REDIC1: variants seen among roughly 807,000 people sequenced by gnomAD.
REDIC1 encodes regulator of DNA class I crossover intermediates 1.
the REDIC1 span, among the ~76,000 whole-genome samples, chr12:39,751,970 G>T: frequency 6.6e-6 from 1 of 152,182 alleles, no homozygotes; most frequent in Non-Finnish European, 1.5e-5. Context: ...GTTAATGGGT[G>T]CAGCACACCA....
At chr12:39,683,201 T>G in the REDIC1 span, 1 of 1,423,162 alleles carries the variant, frequency 7.0e-7, no homozygotes, top group Non-Finnish European at 9.5e-7. Context: ...TTTTAGTATA[T>G]ATATTTGTAT....
At chr12:39,835,844 T>C in the REDIC1 span, 2 of 152,116 alleles carry the variant, frequency 1.3e-5, no homozygotes, top group Non-Finnish European at 2.9e-5. Context: ...AGGGGGTAGA[T>C]GAATTGACGT....
chr12:39,781,832 T>A, the REDIC1 span, among the ~76,000 whole-genome samples: 1 of 152,218 alleles, frequency 6.6e-6, no homozygotes, highest in African/African-American at 2.4e-5. Context: ...GGTGGGCTCA[T>A]ATACGGCCCT....
chr12:39,632,886 T>C, the REDIC1 span, among the ~76,000 whole-genome samples: 1 of 152,160 alleles, frequency 6.6e-6, no homozygotes, highest in African/African-American at 2.4e-5. Context: ...AGTACTGAAG[T>C]TGACCTGGGT....
At chr12:39,673,061 T>C in the REDIC1 span, among the ~76,000 whole-genome samples, 3 of 152,074 alleles carry the variant, frequency 2.0e-5, no homozygotes, top group African/African-American at 7.2e-5. Context: ...GCTGGGGATC[T>C]CTCATTTAAC....
At chr12:39,665,396 T>A in the REDIC1 span, among the ~76,000 whole-genome samples, 1 of 152,134 alleles carries the variant, frequency 6.6e-6, no homozygotes, top group South Asian at 2.1e-4. Context: ...TGTGTGGCAT[T>A]ATTTCTGAGG....
chr12:39,818,715 T>C, the REDIC1 span, among the ~76,000 whole-genome samples: 29 of 152,192 alleles, frequency 1.9e-4, no homozygotes, highest in Non-Finnish European at 3.8e-4. Flanking sequence ...CAGAAAGTTC[T>C]TAAAGTTTGT....
chr12:39,638,223 G>GT, the REDIC1 span, among the ~76,000 whole-genome samples: 284 of 152,166 alleles, frequency 1.9e-3, no homozygotes, highest in African/African-American at 6.1e-3. Context: ...TGAATCAGGA[G>GT]TTAGTGACCC....
chr12:39,645,636 T>G, the REDIC1 span, among the ~76,000 whole-genome samples: 1 of 152,096 alleles, frequency 6.6e-6, no homozygotes, highest in East Asian at 1.9e-4. Flanking sequence ...AATATTTCCT[T>G]GTGCTACTGG....
At chr12:39,752,193 G>GT in the REDIC1 span, among the ~76,000 whole-genome samples, 1 of 152,168 alleles carries the variant, frequency 6.6e-6, no homozygotes, top group East Asian at 1.9e-4. Context: ...ACGCATATTG[G>GT]TTTGTGGCCT....
At chr12:39,864,787 G>C in the REDIC1 span, 1 of 1,614,012 alleles carries the variant, frequency 6.2e-7, no homozygotes, top group Non-Finnish European at 8.5e-7. Flanking sequence ...GTGGCGTTCT[G>C]ACCTGACGGA....
chr12:39,723,609 C>A, the REDIC1 span, among the ~76,000 whole-genome samples: 1 of 151,806 alleles, frequency 6.6e-6, no homozygotes, highest in African/African-American at 2.4e-5. Flanking sequence ...CAGAGTAAAT[C>A]CTAGCTAGGT....
chr12:39,875,136 T>C, the REDIC1 span, among the ~76,000 whole-genome samples: 56 of 152,342 alleles, frequency 3.7e-4, no homozygotes, highest in Middle Eastern at 3.4e-3. Context: ...ACATTTATTA[T>C]CTCACAGCTC....
At chr12:39,879,277 C>G in the REDIC1 span, among the ~76,000 whole-genome samples, 5 of 152,216 alleles carry the variant, frequency 3.3e-5, no homozygotes, top group African/African-American at 7.2e-5. Context: ...AGCCCTCAGA[C>G]AGAGTCCCCT....
At chr12:39,716,709 G>T in the REDIC1 span, 4 of 1,368,680 alleles carry the variant, frequency 2.9e-6, no homozygotes, top group South Asian at 3.9e-5. Flanking sequence ...GTATGTTGTA[G>T]ATTATTCATA....
chr12:39,848,792 C>T, the REDIC1 span, among the ~76,000 whole-genome samples: 2 of 152,134 alleles, frequency 1.3e-5, no homozygotes, highest in South Asian at 4.1e-4. Flanking sequence ...CAATGAAAGA[C>T]TGGATAAAGA....
the REDIC1 span, among the ~76,000 whole-genome samples, chr12:39,752,906 TG>T: frequency 1.3e-5 from 2 of 152,204 alleles, no homozygotes; most frequent in Non-Finnish European, 2.9e-5. Context: ...TAAACTATTG[TG>T]TGCTGAAAAA....
the REDIC1 span, chr12:39,830,015 G>T: frequency 1.3e-6 from 2 of 1,527,834 alleles, no homozygotes; most frequent in Non-Finnish European, 1.8e-6. Context: ...TAAAAGAACT[G>T]CTATAAGTGC....
the REDIC1 span, among the ~76,000 whole-genome samples, chr12:39,864,224 A>G: frequency 5.3e-5 from 8 of 152,352 alleles, no homozygotes; most frequent in African/African-American, 1.9e-4. Flanking sequence ...GCAGCTAGCC[A>G]TTAGAACATT....
Sources: gnomAD v4.1 joint callset for allele counts (sites outside exome capture counted in the v4.1 genomes callset) on GRCh38, gnomAD v4.1.1 for gene constraint, MANE v1.5 for transcripts, NCBI Gene and HGNC (gene_info 2026-07-23, HGNC 2026-07-21) for gene names.